Variants in MMP16 observed in about 807,000 individuals in gnomAD.
The protein encoded by MMP16 is matrix metalloproteinase-16.
Under a neutral mutation model 67.8 loss-of-function variants are expected in MMP16, and 12 were observed. The observed-to-expected ratio is 0.18, with a 90% confidence interval of 0.11 to 0.29. The LOEUF (loss-of-function observed/expected upper bound fraction) is 0.29. MMP16 is among the 10% of genes least tolerant of loss of function. MMP16 has a pLI of 1.00. For synonymous variants in MMP16, 249 were observed against 255.9 expected (o/e 0.97, Z 0.26); for missense variants, 475 against 765.7 (o/e 0.62, Z 4.48).
intron 1 of MMP16, among the ~76,000 whole-genome samples, chr8:88,294,287 C>CATATATGT (rs1554592391): frequency 7.0e-6 from 1 of 143,136 alleles, no homozygotes; most frequent in Non-Finnish European, 1.5e-5. Context: ...TACACACACA[C>CATATATGT]ATATATGTAT....
chr8:88,146,198 T>C (rs1379171203), intron 4 of MMP16, among the ~76,000 whole-genome samples: 1 of 152,016 alleles, frequency 6.6e-6, no homozygotes, highest in African/African-American at 2.4e-5. Flanking sequence ...TAAAATATTT[T>C]TGGGTTCAAT....
At chr8:88,042,076 T>C (rs1808140728) in intron 9 of MMP16, among the ~76,000 whole-genome samples, 2 of 152,176 alleles carry the variant, frequency 1.3e-5, no homozygotes, top group African/African-American at 4.8e-5. Flanking sequence ...AGTCTACTCC[T>C]AGTCCAAGCT....
intron 8 of MMP16, among the ~76,000 whole-genome samples, chr8:88,053,008 T>G (rs1417375556): frequency 6.6e-6 from 1 of 152,350 alleles, no homozygotes; most frequent in African/African-American, 2.4e-5. Context: ...AGGAGCTCTG[T>G]GGTCTTTCTA....
chr8:88,258,935 C>G (rs1305818030), intron 1 of MMP16, among the ~76,000 whole-genome samples: 3 of 152,148 alleles, frequency 2.0e-5, no homozygotes, highest in Admixed American at 2.0e-4. Context: ...CCATTTACAA[C>G]AACATAATAA....
chr8:88,177,386 C>G (rs1201754527), intron 3 of MMP16, among the ~76,000 whole-genome samples: 2 of 152,088 alleles, frequency 1.3e-5, no homozygotes, highest in Non-Finnish European at 2.9e-5. Flanking sequence ...AATTCTGCCC[C>G]AAAAGTGGAG....
intron 4 of MMP16, among the ~76,000 whole-genome samples, chr8:88,166,144 T>C (rs1362920578): frequency 6.6e-6 from 1 of 152,108 alleles, no homozygotes; most frequent in Non-Finnish European, 1.5e-5. Flanking sequence ...TGCAAGGCTA[T>C]TAATTACACT....
intron 1 of MMP16, among the ~76,000 whole-genome samples, chr8:88,307,871 T>C (rs868647861): frequency 6.6e-6 from 1 of 152,000 alleles, no homozygotes; most frequent in Middle Eastern, 3.4e-3. Flanking sequence ...TATATGAAAA[T>C]ATACAAAAAT....
chr8:88,149,456 TC>T (rs1808360407), intron 4 of MMP16, among the ~76,000 whole-genome samples: 1 of 152,128 alleles, frequency 6.6e-6, no homozygotes, highest in African/African-American at 2.4e-5. Flanking sequence ...GACTTAAATG[TC>T]CCTGTCTGAC....
At chr8:88,318,980 T>A (rs1034804862) in intron 1 of MMP16, among the ~76,000 whole-genome samples, 1 of 152,048 alleles carries the variant, frequency 6.6e-6, no homozygotes, top group Non-Finnish European at 1.5e-5. Context: ...TTCCTACTTA[T>A]AAAGGAGACT....
intron 3 of MMP16, among the ~76,000 whole-genome samples, chr8:88,174,761 T>TTC (rs971858451): frequency 6.6e-5 from 10 of 151,782 alleles, no homozygotes; most frequent in African/African-American, 2.4e-4. Flanking sequence ...TGACTGCTTT[T>TTC]TTTTTTTTTT....
At chr8:88,210,950 G>A (rs1367199683) in intron 1 of MMP16, among the ~76,000 whole-genome samples, 1 of 152,140 alleles carries the variant, frequency 6.6e-6, no homozygotes, top group Non-Finnish European at 1.5e-5. Flanking sequence ...AAGCCTATGA[G>A]ATTGGTATTA....
At chr8:88,218,847 C>T (rs542999408) in intron 1 of MMP16, among the ~76,000 whole-genome samples, 15 of 151,918 alleles carry the variant, frequency 9.9e-5, no homozygotes, top group Non-Finnish European at 1.3e-4. Context: ...GAAAAAGACC[C>T]AATGGTAGTT....
intron 6 of MMP16, among the ~76,000 whole-genome samples, chr8:88,078,662 TAGAG>T (rs763335060): frequency 2.6e-5 from 4 of 152,018 alleles, no homozygotes; most frequent in Non-Finnish European, 5.9e-5. Context: ...GCCTGGGTGA[TAGAG>T]AGAGACTCCG....
chr8:88,075,630 C>T (rs1051079514), intron 6 of MMP16, among the ~76,000 whole-genome samples: 1 of 152,042 alleles, frequency 6.6e-6, no homozygotes, highest in African/African-American at 2.4e-5. Context: ...TGAAAGGCTA[C>T]TCAGTGTTTT....
At chr8:88,062,422 G>A (rs2118242645) in intron 7 of MMP16, among the ~76,000 whole-genome samples, 2 of 152,200 alleles carry the variant, frequency 1.3e-5, no homozygotes, top group East Asian at 1.9e-4. Context: ...GTCCAACAAT[G>A]ACAGACTGGA....
At chr8:88,298,589 G>T (rs768008345) in intron 1 of MMP16, among the ~76,000 whole-genome samples, 5 of 152,098 alleles carry the variant, frequency 3.3e-5, no homozygotes, top group African/African-American at 4.8e-5. Context: ...CCTCCTGAAA[G>T]AGATTTTCTG....
At chr8:88,312,984 A>C (rs185737949) in intron 1 of MMP16, among the ~76,000 whole-genome samples, 15,374 of 151,882 alleles carry the variant, frequency 0.1, 926 homozygotes, top group South Asian at 0.17. Flanking sequence ...TCAAAAACAA[A>C]AACAAAAAAA....
chr8:88,236,392 T>C (rs1809940768), intron 1 of MMP16, among the ~76,000 whole-genome samples: 1 of 152,202 alleles, frequency 6.6e-6, no homozygotes, highest in Admixed American at 6.5e-5. Flanking sequence ...CAGCTGCTGA[T>C]GACATTAGCT....
At chr8:88,272,662 C>T (rs763992380) in intron 1 of MMP16, among the ~76,000 whole-genome samples, 8 of 152,048 alleles carry the variant, frequency 5.3e-5, no homozygotes, top group South Asian at 4.1e-4. Context: ...TCACAAGGAA[C>T]GGGAAAGTGG....
Sources: gnomAD v4.1 joint callset for allele counts (sites outside exome capture counted in the v4.1 genomes callset) on GRCh38, gnomAD v4.1.1 for gene constraint, MANE v1.5 for transcripts, NCBI Gene and HGNC (gene_info 2026-07-23, HGNC 2026-07-21) for gene names.